The following CDH23 variants were observed in gnomAD, a reference collection of about 807,000 sequenced individuals.
CDH23 encodes the protein cadherin-23.
In CDH23, 189 loss-of-function variants were observed where a neutral mutation model predicts 317.1. That is an observed-to-expected ratio of 0.60 (90% CI 0.53 to 0.67). The LOEUF is 0.67. Ranked by LOEUF, CDH23 falls within the 30% of genes least tolerant of loss-of-function variation. CDH23 has a pLI of 0.00. For synonymous variants in CDH23, 1,839 were observed against 1,876.8 expected (o/e 0.98, Z 0.52); for missense variants, 4,401 against 4,592.4 (o/e 0.96, Z 1.20).
intron 49 of CDH23, 57 bp from the exon 50 acceptor site, chr10:71,798,297 C>T: frequency 7.2e-7 from 1 of 1,379,506 alleles, no homozygotes; most frequent in Non-Finnish European, 1.0e-6. Flanking sequence ...TAAGGAAGGC[C>T]TGGCCCAGCC....
At chr10:71,403,618 G>C (rs760280680) in intron 1 of CDH23, among the ~76,000 whole-genome samples, 47 of 150,048 alleles carry the variant, frequency 3.1e-4, no homozygotes, top group Admixed American at 8.6e-4. Context: ...CCGGATTCAA[G>C]TGATTCTCCT....
chr10:71,705,190 G>A (rs1865740377), intron 25 of CDH23, 60 bp downstream of exon 25: 2 of 1,495,582 alleles, frequency 1.3e-6, no homozygotes, highest in Non-Finnish European at 1.8e-6. Context: ...CCTGGGTCAG[G>A]GGCAGGGGTA....
At chr10:71,600,702 G>A (rs112479947) in intron 9 of CDH23, among the ~76,000 whole-genome samples, 9 of 151,874 alleles carry the variant, frequency 5.9e-5, no homozygotes, top group East Asian at 1.9e-4. Flanking sequence ...ATTTTCAGTC[G>A]AGACAAGATT....
intron 27 of CDH23, 135 bp from the exon 28 acceptor site, chr10:71,712,530 C>A: frequency 1.2e-6 from 1 of 861,144 alleles, no homozygotes. Flanking sequence ...AAGGAAGTCA[C>A]CCCTTGCAAA....
rs143993990 is a variant in CDH23, at chr10:71,784,337, G to T, written c.5419G>T (p.Val1807Leu). The change falls in exon 42 of 70, where the codon GTG becomes TTG. Residue 1807 changes from valine to leucine, a missense_variant. Val to Leu is a conservative substitution (Grantham distance 32). This residue lies in a region of CDH23 where 3,068 missense variants were observed against 3,203.3 expected (regional missense o/e 0.96). Transcript: ENST00000224721. ...GGGGGTGCTAAGGGTCCGGAAGGAC[G>T]TGGAGCTGGACCGGGAGACCATCGC... ...VEGVLRVRKD[V>L]ELDRETIAFY... The T allele has an allele frequency of 1.2e-6, 2 of 1,613,946 alleles. No homozygotes were observed. The highest frequency in any genetic ancestry group is 4.5e-5 in the East Asian group (2 of 44,886).
At position 71,767,849 on chromosome 10, in the gene CDH23, C is replaced by T. The variant is rs534438109; in HGVS notation, c.4846-9831C>T. Among the ~76,000 whole-genome samples the T allele has an allele frequency of 1.7e-3, 261 of 152,314 alleles. 5 individuals are homozygous for T. The South Asian group carries it at 0.051, about 30-fold the overall frequency. Reference sequence around the variant, plus strand: ...GGAAGCCAGGCTCTATTGAAGGAAGCGGCACTTCCAGCACCTTGGGAAAGC... The same window carrying T: ...GGAAGCCAGGCTCTATTGAAGGAAGTGGCACTTCCAGCACCTTGGGAAAGC... On this transcript the variant is annotated intron_variant, in intron 38 of 69. Coordinates refer to ENST00000224721, the MANE Select transcript of CDH23 (RefSeq NM_022124.6).
intron 1 of CDH23, among the ~76,000 whole-genome samples, chr10:71,436,058 G>C (rs1455650600): frequency 6.6e-6 from 1 of 152,262 alleles, no homozygotes; most frequent in Non-Finnish European, 1.5e-5. Context: ...CAGCTGCTTT[G>C]CTTTACCCTT....
At chr10:71,783,284 G>A (rs992849423) in intron 41 of CDH23, among the ~76,000 whole-genome samples, 4 of 152,170 alleles carry the variant, frequency 2.6e-5, no homozygotes, top group Admixed American at 2.6e-4. Context: ...GCTCACGCTT[G>A]CTCACTGGTT....
At chr10:71,464,569 G>A (rs1267914393) in intron 3 of CDH23, among the ~76,000 whole-genome samples, 5 of 150,858 alleles carry the variant, frequency 3.3e-5, no homozygotes, top group Non-Finnish European at 7.4e-5. Flanking sequence ...GTCTCATCTG[G>A]AAGCAATTCT....
intron 47 of CDH23, among the ~76,000 whole-genome samples, chr10:71,792,852 A>AATATATATATATATATATAT (rs1554874675): frequency 2.5e-3 from 95 of 38,362 alleles, no homozygotes; most frequent in East Asian, 9.8e-3. Flanking sequence ...AAAAAAAAAA[A>AATATATATATATATATATAT]ATATATATAT....
chr10:71,576,707 G>A (rs1858229208), intron 8 of CDH23, among the ~76,000 whole-genome samples: 1 of 152,188 alleles, frequency 6.6e-6, no homozygotes, highest in Admixed American at 6.5e-5. Context: ...ATGGTGGGCA[G>A]GCATGGCTGG....
intron 1 of CDH23, among the ~76,000 whole-genome samples, chr10:71,404,483 C>T (rs1848006024): frequency 6.6e-6 from 1 of 152,248 alleles, no homozygotes; most frequent in Non-Finnish European, 1.5e-5. Context: ...AGTTTGTGAC[C>T]TGTACTCAAG....
intron 9 of CDH23, among the ~76,000 whole-genome samples, chr10:71,611,941 A>T (rs1231195278): frequency 1.3e-5 from 2 of 152,232 alleles, no homozygotes; most frequent in Non-Finnish European, 2.9e-5. Flanking sequence ...GAATTAAAAA[A>T]ACCAATGAAT....
intron 2 of CDH23, among the ~76,000 whole-genome samples, chr10:71,445,566 C>T (rs58645369): frequency 0.026 from 3,985 of 152,242 alleles, 190 homozygotes; most frequent in African/African-American, 0.091. Context: ...AGACAACGTG[C>T]GATGGCTCAC....
intron 28 of CDH23, among the ~76,000 whole-genome samples, chr10:71,720,205 C>T (rs1214030168): frequency 6.6e-6 from 1 of 152,182 alleles, no homozygotes; most frequent in East Asian, 1.9e-4. Context: ...CCTCCTGCAG[C>T]GTCCCTGGGC....
intron 1 of CDH23, among the ~76,000 whole-genome samples, chr10:71,404,743 C>G (rs1848018228): frequency 6.6e-6 from 1 of 152,258 alleles, no homozygotes; most frequent in African/African-American, 2.4e-5. Context: ...GAGCCTGCCA[C>G]AGGCCAATCA....
Position 71,793,523 on chromosome 10 carries a change from A to G in CDH23, c.6595A>G (p.Ile2199Val), listed in dbSNP as rs766378264. The change falls in exon 48 of 70, where the codon ATT (isoleucine) becomes GTT (valine). Residue 2199 changes from isoleucine (I) to valine (V), a missense_variant. Transcript: ENST00000224721. Reference protein sequence around the residue: ...PGTVIANITAIDHDLNPKLEY... With the variant: ...PGTVIANITAVDHDLNPKLEY... ...CACTGTCATTGCCAATATCACGGCC[A>G]TTGACCACGACCTCAACCCAAAGCT... The G allele has an allele frequency of 2.5e-6, 4 of 1,613,864 alleles. No individual in the cohort carries two copies. Among genetic ancestry groups the G allele is most frequent in the Middle Eastern group, 1.6e-4 (1 of 6,062 alleles).
In CDH23 at chr10:71,807,492, C is replaced by T. The variant is rs1490733674; in HGVS notation, c.8309-24C>T. The T allele has an allele frequency of 5.0e-6, 8 of 1,613,026 alleles. No individual in the cohort carries two copies. In the Admixed American group the frequency reaches 1.3e-4, roughly 27 times the overall value. On this transcript the variant is annotated intron_variant, in intron 58 of 69. Transcript: ENST00000224721. Reference sequence around the variant, plus strand: ...CCTGCTCCTGGCCCTGCCCCCTCACCCTGTGCCATGATCCCACCCTCAGCC... The same window carrying T: ...CCTGCTCCTGGCCCTGCCCCCTCACTCTGTGCCATGATCCCACCCTCAGCC...
chr10:71,442,866 C>T (rs1051545323), intron 2 of CDH23, among the ~76,000 whole-genome samples: 4 of 152,100 alleles, frequency 2.6e-5, no homozygotes, highest in Admixed American at 1.3e-4. Context: ...CAATGGTGAC[C>T]AGGGTGCATG....
Sources: allele counts gnomAD v4.1 joint callset (sites outside exome capture counted in the v4.1 genomes callset), GRCh38; gene constraint gnomAD v4.1.1; regional missense constraint gnomAD v4.1.1; transcripts MANE v1.5; gene names NCBI Gene and HGNC (gene_info 2026-07-23, HGNC 2026-07-21).